Variants in CSMD3 observed in about 807,000 individuals in gnomAD.
CSMD3 encodes CUB and Sushi multiple domains 3.
In CSMD3, 177 loss-of-function variants were observed where a neutral mutation model predicts 435.2. That is an observed-to-expected ratio of 0.41 (90% CI 0.36 to 0.46). The LOEUF (loss-of-function observed/expected upper bound fraction) is 0.46. Among genes scored for constraint, CSMD3 ranks in the 20% least tolerant of loss-of-function variants. The pLI, the probability that CSMD3 is intolerant of heterozygous loss-of-function variation, is 0.34. For synonymous variants in CSMD3, 1,656 were observed against 1,520.5 expected (o/e 1.09, Z -2.07); for missense variants, 4,265 against 4,504.6 (o/e 0.95, Z 1.52).
intron 59 of CSMD3, among the ~76,000 whole-genome samples, chr8:112,266,471 T>C (rs1157237682): frequency 6.6e-6 from 1 of 152,204 alleles, no homozygotes; most frequent in East Asian, 1.9e-4. Context: ...CCTCAGAATA[T>C]GCTGCACTGT....
At chr8:113,062,170 CT>C (rs2131369053) in intron 5 of CSMD3, among the ~76,000 whole-genome samples, 1 of 151,884 alleles carries the variant, frequency 6.6e-6, no homozygotes, top group African/African-American at 2.4e-5. Flanking sequence ...CTTAAGTTTT[CT>C]CTAAGCATTC....
At chr8:113,284,677 A>G (rs941778610) in intron 2 of CSMD3, among the ~76,000 whole-genome samples, 1 of 152,238 alleles carries the variant, frequency 6.6e-6, no homozygotes, top group South Asian at 2.1e-4. Context: ...TGGACTTAAC[A>G]TGTTTTCTAG....
chr8:112,806,187 T>C (rs1233735097), intron 12 of CSMD3, among the ~76,000 whole-genome samples: 1 of 152,226 alleles, frequency 6.6e-6, no homozygotes, highest in Non-Finnish European at 1.5e-5. Context: ...CGGATCCTTT[T>C]ATTTGGTCAG....
At chr8:112,323,646 C>G (rs1261462335) in intron 45 of CSMD3, among the ~76,000 whole-genome samples, 2 of 151,970 alleles carry the variant, frequency 1.3e-5, no homozygotes, top group African/African-American at 4.8e-5. Flanking sequence ...GCTTTTAAGC[C>G]ACCAGTTTGT....
At chr8:113,061,098 A>G (rs766613059) in intron 5 of CSMD3, among the ~76,000 whole-genome samples, 2 of 152,096 alleles carry the variant, frequency 1.3e-5, no homozygotes, top group Non-Finnish European at 2.9e-5. Flanking sequence ...CAGCTGGAAC[A>G]TACCCACCTC....
intron 1 of CSMD3, among the ~76,000 whole-genome samples, chr8:113,331,508 A>C (rs1180971779): frequency 2.0e-5 from 3 of 151,772 alleles, no homozygotes; most frequent in African/African-American, 7.2e-5. Context: ...AATATTCCTT[A>C]TGAATATTGA....
chr8:112,864,359 C>T (rs1406170557), intron 10 of CSMD3, among the ~76,000 whole-genome samples: 1 of 152,036 alleles, frequency 6.6e-6, no homozygotes, highest in Non-Finnish European at 1.5e-5. Context: ...AGCGATTCTC[C>T]TGCCTCAGTC....
At chr8:113,191,829 A>C (rs1034448213) in intron 3 of CSMD3, among the ~76,000 whole-genome samples, 15 of 151,666 alleles carry the variant, frequency 9.9e-5, no homozygotes, top group African/African-American at 3.4e-4. Context: ...GAACTCTCCA[A>C]AATACTTTCC....
At chr8:112,517,267 C>A (rs1188019626) in intron 27 of CSMD3, 42 bp from the exon 28 acceptor site, 24 of 1,449,470 alleles carry the variant, frequency 1.7e-5, no homozygotes, top group Non-Finnish European at 2.2e-5. Context: ...TGATAACTAC[C>A]AAAATCAATT....
At chr8:112,987,268 T>C (rs1367798103) in intron 6 of CSMD3, among the ~76,000 whole-genome samples, 5 of 152,152 alleles carry the variant, frequency 3.3e-5, no homozygotes, top group Non-Finnish European at 7.4e-5. Flanking sequence ...TCCTGAAGTA[T>C]ACTTTTAACC....
chr8:113,085,127 GA>G (rs1157676080), intron 5 of CSMD3, among the ~76,000 whole-genome samples: 1 of 151,688 alleles, frequency 6.6e-6, no homozygotes, highest in African/African-American at 2.4e-5. Flanking sequence ...GCTAGCAAAG[GA>G]AACAATCAAC....
chr8:112,525,786 A>ATATATATATGTATATATATATG (rs1824852373), intron 27 of CSMD3, among the ~76,000 whole-genome samples: 1 of 137,666 alleles, frequency 7.3e-6, no homozygotes, highest in Admixed American at 7.4e-5. Context: ...ATGTGTGTGT[A>ATATATATATGTATATATATATG]TATATATATG....
chr8:112,525,766 A>T (rs1824836522), intron 27 of CSMD3, among the ~76,000 whole-genome samples: 1 of 141,832 alleles, frequency 7.1e-6, no homozygotes, highest in East Asian at 2.0e-4. Context: ...ATATATATAT[A>T]TATATTTATA....
intron 4 of CSMD3, among the ~76,000 whole-genome samples, chr8:113,120,529 AAAGT>A (rs1214757763): frequency 6.6e-6 from 1 of 152,218 alleles, no homozygotes; most frequent in Non-Finnish European, 1.5e-5. Context: ...GCTACAAATA[AAAGT>A]AAGCAGCGTT....
At chr8:113,319,201 T>C (rs954636222) in intron 1 of CSMD3, among the ~76,000 whole-genome samples, 1 of 152,110 alleles carries the variant, frequency 6.6e-6, no homozygotes, top group Non-Finnish European at 1.5e-5. Context: ...TTTCCTTTTC[T>C]CCACATCCCT....
intron 13 of CSMD3, among the ~76,000 whole-genome samples, chr8:112,779,239 T>A (rs1563952272): frequency 6.6e-6 from 1 of 151,736 alleles, no homozygotes; most frequent in Non-Finnish European, 1.5e-5. Context: ...CTCAAAGTTT[T>A]TCATTAATAT....
intron 1 of CSMD3, among the ~76,000 whole-genome samples, chr8:113,317,675 T>C (rs976338027): frequency 3.9e-5 from 6 of 152,168 alleles, no homozygotes; most frequent in Non-Finnish European, 7.4e-5. Flanking sequence ...AAATCAGAAG[T>C]AAGCATTATA....
chr8:112,770,863 A>C (rs2078096039), intron 13 of CSMD3, among the ~76,000 whole-genome samples: 1 of 152,010 alleles, frequency 6.6e-6, no homozygotes, highest in South Asian at 2.1e-4. Flanking sequence ...ACTCTGATCT[A>C]TTCACTTAAT....
chr8:112,494,511 C>G (rs1363162088), intron 30 of CSMD3, among the ~76,000 whole-genome samples: 1 of 73,124 alleles, frequency 1.4e-5, no homozygotes, highest in Middle Eastern at 7.1e-3. Flanking sequence ...TTCTTTCTTT[C>G]TTTCTTTCTT....
Sources: allele counts gnomAD v4.1 joint callset (sites outside exome capture counted in the v4.1 genomes callset), GRCh38; gene constraint gnomAD v4.1.1; transcripts MANE v1.5; gene names NCBI Gene and HGNC (gene_info 2026-07-23, HGNC 2026-07-21).